USH2A: variants seen among roughly 807,000 people sequenced by gnomAD.
USH2A encodes the protein Usher syndrome 2A (autosomal recessive, mild).
USH2A carries 443 observed loss-of-function variants against 538.9 expected under a neutral mutation model. The observed-to-expected ratio is 0.82, with a 90% CI of 0.76 to 0.89. The LOEUF (loss-of-function observed/expected upper bound fraction) is 0.89, where lower values mean the gene tolerates loss of function less well. Ranked by LOEUF, USH2A falls within the 40% of genes least tolerant of loss-of-function variation. The pLI, the probability that USH2A is intolerant of heterozygous loss-of-function variation, is 0.00. For synonymous variants in USH2A, 2,413 were observed against 2,273.5 expected (o/e 1.06, Z -1.75); for missense variants, 6,633 against 6,324.8 (o/e 1.05, Z -1.65).
chr1:215,721,401 G>A (rs1659657256), intron 61 of USH2A, among the ~76,000 whole-genome samples: 1 of 152,030 alleles, frequency 6.6e-6, no homozygotes, highest in Middle Eastern at 3.2e-3. Flanking sequence ...AAAAACACTT[G>A]GAATGAGTCT....
At chr1:215,640,800 T>TAAAA in intron 67 of USH2A, 66 bp from the exon 68 acceptor site, 2 of 1,075,322 alleles carry the variant, frequency 1.9e-6, no homozygotes, top group Admixed American at 2.7e-5. Flanking sequence ...GTGTGCACTT[T>TAAAA]AAAAAAAAAA....
chr1:215,903,209 G>T (rs181286501), intron 38 of USH2A, among the ~76,000 whole-genome samples: 1 of 152,110 alleles, frequency 6.6e-6, no homozygotes, highest in African/African-American at 2.4e-5. Context: ...AAGACTGGGA[G>T]TTGAAACTTT....
intron 3 of USH2A, among the ~76,000 whole-genome samples, chr1:216,380,044 T>C (rs986463747): frequency 2.0e-5 from 3 of 152,212 alleles, no homozygotes; most frequent in African/African-American, 7.2e-5. Flanking sequence ...TGGATACTTA[T>C]TGACTTAAGG....
intron 59 of USH2A, among the ~76,000 whole-genome samples, chr1:215,742,251 T>A (rs1401109940): frequency 6.6e-6 from 1 of 152,190 alleles, no homozygotes. Flanking sequence ...GAACTAGCAC[T>A]ATTTGGAAAC....
intron 38 of USH2A, among the ~76,000 whole-genome samples, chr1:215,927,334 C>G (rs1666260985): frequency 6.6e-6 from 1 of 151,956 alleles, no homozygotes; most frequent in Non-Finnish European, 1.5e-5. Context: ...AAGGAGTTTT[C>G]AAAGTGGAAA....
At chr1:215,851,004 G>T (rs969840121) in intron 44 of USH2A, among the ~76,000 whole-genome samples, 5 of 152,074 alleles carry the variant, frequency 3.3e-5, no homozygotes, top group African/African-American at 1.2e-4. Context: ...AATGATAATA[G>T]TGATACAACC....
intron 3 of USH2A, among the ~76,000 whole-genome samples, chr1:216,395,978 C>A (rs770863404): frequency 2.0e-5 from 3 of 152,180 alleles, no homozygotes; most frequent in Non-Finnish European, 4.4e-5. Context: ...ATTTCACTTA[C>A]ACTGTTTCAA....
chr1:216,209,753 G>A (rs1204217543), intron 15 of USH2A, among the ~76,000 whole-genome samples: 1 of 152,060 alleles, frequency 6.6e-6, no homozygotes, highest in Non-Finnish European at 1.5e-5. Flanking sequence ...TGAAGTATTG[G>A]TCTTTTATCC....
At chr1:216,056,592 C>A (rs1413448173) in intron 30 of USH2A, among the ~76,000 whole-genome samples, 1 of 152,130 alleles carries the variant, frequency 6.6e-6, no homozygotes, top group African/African-American at 2.4e-5. Flanking sequence ...ACAATAATAG[C>A]ACACTTTTTA....
chr1:215,946,914 C>A (rs1308562461), intron 37 of USH2A, among the ~76,000 whole-genome samples: 1 of 151,846 alleles, frequency 6.6e-6, no homozygotes, highest in Admixed American at 6.6e-5. Flanking sequence ...ATTGAAATAT[C>A]CTATAAGTGT....
intron 49 of USH2A, among the ~76,000 whole-genome samples, chr1:215,801,191 T>C (rs6677314): frequency 0.045 from 6,813 of 152,074 alleles, 264 homozygotes; most frequent in South Asian, 0.14. Context: ...TACTCAACAG[T>C]GAAAGACGGA....
intron 4 of USH2A, among the ~76,000 whole-genome samples, chr1:216,358,099 G>A (rs1482657654): frequency 6.6e-6 from 1 of 152,128 alleles, no homozygotes; most frequent in Non-Finnish European, 1.5e-5. Flanking sequence ...GGAAAGCAAA[G>A]ACAAGTCCTG....
Position 215,671,305 on chromosome 1 carries a change from A to G in USH2A, c.13812-12T>C. 1 of 1,613,912 alleles carries G rather than the reference A, an allele frequency of 6.2e-7. No individual in the cohort carries two copies. The highest frequency in any genetic ancestry group is 8.5e-7 in the Non-Finnish European group (1 of 1,179,934). ...TTCGTATTTCATACCTTCAGGACAT[A>G]AGGCAGAAATTAGTGATTTTCAGCA... is the stretch of plus-strand genomic sequence containing the variant. On this transcript the variant is annotated splice_polypyrimidine_tract_variant and intron_variant, in intron 63 of 71. Transcript: ENST00000307340.
chr1:215,955,632 C>A (rs1037810743), intron 37 of USH2A, among the ~76,000 whole-genome samples: 6 of 151,976 alleles, frequency 3.9e-5, no homozygotes, highest in African/African-American at 1.5e-4. Context: ...TTATTTGCAA[C>A]CCGATTTATA....
chr1:215,773,524 C>CTT (rs1181750934), intron 55 of USH2A, among the ~76,000 whole-genome samples: 5 of 148,960 alleles, frequency 3.4e-5, no homozygotes, highest in African/African-American at 1.3e-4. Flanking sequence ...CTCTCTCTCT[C>CTT]TCTCTCTCTG....
intron 56 of USH2A, among the ~76,000 whole-genome samples, chr1:215,762,349 T>C (rs1661003609): frequency 6.6e-6 from 1 of 152,208 alleles, no homozygotes; most frequent in South Asian, 2.1e-4. Context: ...GGTACTAGAA[T>C]GGCTATTGCT....
chr1:215,824,701 C>T (rs1663106063), intron 47 of USH2A, among the ~76,000 whole-genome samples: 1 of 152,174 alleles, frequency 6.6e-6, no homozygotes, highest in Admixed American at 6.6e-5. Context: ...CCTTCGGGCA[C>T]TCCTGATGCT....
At chr1:216,014,463 A>T (rs113353110) in intron 32 of USH2A, among the ~76,000 whole-genome samples, 292 of 152,300 alleles carry the variant, frequency 1.9e-3, no homozygotes, top group African/African-American at 6.9e-3. Flanking sequence ...ATATGTCTCT[A>T]TAGATGTGAT....
At position 216,200,977 on chromosome 1, in the gene USH2A, A is replaced by ATCCC. The variant is rs58287796; in HGVS notation, c.3317-860_3317-857dup. Among the ~76,000 whole-genome samples, 140 of 50,094 alleles carry ATCCC rather than the reference A, an allele frequency of 2.8e-3. 1 individual carries two copies. Among genetic ancestry groups the ATCCC allele is most frequent in the African/African-American group, 8.1e-3 (82 of 10,092 alleles). The allele number at this position is 50,094 out of a possible 152,430, so 32.9% of individuals were successfully genotyped here. On this transcript the variant is annotated intron_variant, in intron 16 of 71. Transcript: ENST00000307340. ...CCTTCCCCTTCCCCTCCCCCCATCCATCCCTCCCTCCCTCCCTCCCTCCCT... is the reference window on the plus strand; with the variant it reads ...CCTTCCCCTTCCCCTCCCCCCATCCATCCCTCCCTCCCTCCCTCCCTCCCTCCCT...
Sources: gnomAD v4.1 joint callset for allele counts (sites outside exome capture counted in the v4.1 genomes callset) on GRCh38, gnomAD v4.1.1 for gene constraint, MANE v1.5 for transcripts, NCBI Gene and HGNC (gene_info 2026-07-23, HGNC 2026-07-21) for gene names.